KIRREL3: variants seen among roughly 807,000 people sequenced by gnomAD.
KIRREL3 encodes kin of IRRE-like protein 3.
Under a neutral mutation model 89.7 loss-of-function variants are expected in KIRREL3, and 36 were observed. That is an observed-to-expected ratio of 0.40 (90% CI 0.31 to 0.53). KIRREL3 has a LOEUF of 0.53. Ranked by LOEUF, KIRREL3 falls within the 20% of genes least tolerant of loss-of-function variation. KIRREL3 has a pLI of 0.49. For synonymous variants in KIRREL3, 445 were observed against 441.4 expected (o/e 1.01, Z -0.10); for missense variants, 864 against 1,056.6 (o/e 0.82, Z 2.53).
chr11:126,582,118 T>C (rs1941580598), intron 1 of KIRREL3, among the ~76,000 whole-genome samples: 1 of 152,206 alleles, frequency 6.6e-6, no homozygotes, highest in Admixed American at 6.5e-5. Flanking sequence ...TGGTTTTGCC[T>C]GTGTGATTCC....
rs1486849622 is a variant in KIRREL3 at position 126,904,083 on chromosome 11, G to C, written c.55+96372C>G. Reference sequence around the variant, plus strand: ...GGAGGCCAGATTACAAGACCCTGAAGGTCCTTTCCAACTCTAAATTGCTAT... The same window carrying C: ...GGAGGCCAGATTACAAGACCCTGAACGTCCTTTCCAACTCTAAATTGCTAT... On this transcript the variant is annotated intron_variant, in intron 1 of 16. Transcript: ENST00000525144. This position sits in a 1 kb window ranked among gnomAD's most constrained non-coding sequence, Gnocchi z 4.4. Among the ~76,000 whole-genome samples the C allele has an allele frequency of 6.6e-6, 1 of 152,136 alleles. No homozygotes were observed. Among genetic ancestry groups the C allele is most frequent in the Non-Finnish European group, 1.5e-5 (1 of 68,032 alleles).
At chr11:126,572,137 G>A (rs1940980227) in intron 1 of KIRREL3, among the ~76,000 whole-genome samples, 1 of 152,158 alleles carries the variant, frequency 6.6e-6, no homozygotes, top group Non-Finnish European at 1.5e-5. Context: ...GGCAGGAAAA[G>A]GCATTTCTGC....
At chr11:126,846,901 C>T (rs1470500830) in intron 1 of KIRREL3, among the ~76,000 whole-genome samples, 2 of 152,034 alleles carry the variant, frequency 1.3e-5, no homozygotes, top group Non-Finnish European at 2.9e-5. Flanking sequence ...GACATATTGG[C>T]TAAAGTTAAG....
rs1362828438 is a variant in KIRREL3 at position 126,489,977 on chromosome 11, C to T, written c.434-16511G>A. On this transcript the variant is annotated intron_variant, in intron 4 of 16. Transcript: ENST00000525144. The surrounding 1 kb of genome is among the most constrained non-coding windows in gnomAD (Gnocchi z 5.5). The stretch of plus-strand genomic sequence containing the variant: ...AATCTGGGCGTGTTAGTGCTGCATA[C>T]GTTGGGGAAAATGAGACGTGTTGCT... 3.9e-5 allele frequency among the ~76,000 whole-genome samples: 6 copies of T among 152,172 alleles called. No individual in the cohort carries two copies. Among genetic ancestry groups the T allele is most frequent in the African/African-American group, 7.2e-5 (3 of 41,530 alleles).
chr11:126,451,675 T>A (rs1956176420), intron 7 of KIRREL3, among the ~76,000 whole-genome samples: 1 of 151,402 alleles, frequency 6.6e-6, no homozygotes, highest in Non-Finnish European at 1.5e-5. Flanking sequence ...AGTGTGTGCA[T>A]ATGTGCGTGT....
chr11:126,650,220 G>A (rs540433058), intron 1 of KIRREL3, among the ~76,000 whole-genome samples: 3 of 152,336 alleles, frequency 2.0e-5, no homozygotes, highest in Admixed American at 1.3e-4. Flanking sequence ...GGGCTGCCAC[G>A]AAAACCTCTG....
chr11:126,559,054 G>A (rs545408235), intron 2 of KIRREL3, among the ~76,000 whole-genome samples: 70 of 152,178 alleles, frequency 4.6e-4, no homozygotes, highest in African/African-American at 1.5e-3. Flanking sequence ...AGGAGAGCTG[G>A]TACAGAAAGA....
chr11:126,789,269 A>C (rs1193281292), intron 1 of KIRREL3, among the ~76,000 whole-genome samples: 2 of 152,134 alleles, frequency 1.3e-5, no homozygotes, highest in African/African-American at 4.8e-5. Context: ...TGCCACGTGC[A>C]GTGCCCCATC....
rs1475301122 is a variant in KIRREL3 at position 126,978,052 on chromosome 11, C to A, written c.55+22403G>T. Among the ~76,000 whole-genome samples, 1 of 152,186 alleles carries A rather than the reference C, an allele frequency of 6.6e-6. No individual in the cohort carries two copies. Among genetic ancestry groups the A allele is most frequent in the African/African-American group, 2.4e-5 (1 of 41,444 alleles). On this transcript the variant is annotated intron_variant, in intron 1 of 16. Coordinates refer to ENST00000525144, the MANE Select transcript of KIRREL3 (RefSeq NM_032531.4). This position sits in a 1 kb window ranked among gnomAD's most constrained non-coding sequence, Gnocchi z 4.2. Reference sequence around the variant, plus strand: ...GTCTACTGACAGCCTCCTTCTCCAGCACGGCAGCCCACCAAAAGTGCCTCC... The same window carrying A: ...GTCTACTGACAGCCTCCTTCTCCAGAACGGCAGCCCACCAAAAGTGCCTCC...
At position 126,508,406 on chromosome 11, in the gene KIRREL3, G is replaced by T. The variant is rs550989909; in HGVS notation, c.433+12909C>A. On this transcript the variant is annotated intron_variant, in intron 4 of 16. Transcript: ENST00000525144. The surrounding 1 kb of genome is among the most constrained non-coding windows in gnomAD (Gnocchi z 4.9). ...CCGCCCAGAGGATGATACTGAATGG[G>T]ATGGCAAATGAATGCTGCGGGTCTC... Among the ~76,000 whole-genome samples, 2 of 152,264 alleles carry T rather than the reference G, an allele frequency of 1.3e-5. No individual in the cohort carries two copies. The highest frequency in any genetic ancestry group is 4.8e-5 in the African/African-American group (2 of 41,544).
Position 126,739,872 on chromosome 11 carries a change from A to G in KIRREL3, c.56-176960T>C, listed in dbSNP as rs1227521315. 6.6e-6 allele frequency among the ~76,000 whole-genome samples: 1 copy of G among 152,210 alleles called. No individual in the cohort carries two copies. The highest frequency in any genetic ancestry group is 1.9e-4 in the East Asian group (1 of 5,204). On this transcript the variant is annotated intron_variant, in intron 1 of 16. Transcript: ENST00000525144. The surrounding 1 kb of genome is among the most constrained non-coding windows in gnomAD (Gnocchi z 5.5). ...CTGAGGGGATTGGGCAAGAAGGAGC[A>G]CTTAGAATTTTGACACTGCACTTTG...
chr11:126,637,368 T>C (rs1022468462), intron 1 of KIRREL3, among the ~76,000 whole-genome samples: 2 of 152,138 alleles, frequency 1.3e-5, no homozygotes, highest in African/African-American at 4.8e-5. Flanking sequence ...TTACCGACAC[T>C]ATCTTTCCCT....
At position 126,531,915 on chromosome 11, in the gene KIRREL3, C is replaced by G. The variant is rs938824925; in HGVS notation, c.134-5228G>C. 3.9e-5 allele frequency among the ~76,000 whole-genome samples: 6 copies of G among 152,156 alleles called. No individual in the cohort carries two copies. Among genetic ancestry groups the G allele is most frequent in the Non-Finnish European group, 5.9e-5 (4 of 68,040 alleles). On this transcript the variant is annotated intron_variant, in intron 2 of 16. Coordinates refer to ENST00000525144, the MANE Select transcript of KIRREL3 (RefSeq NM_032531.4). This position sits in a 1 kb window ranked among gnomAD's most constrained non-coding sequence, Gnocchi z 4.7. Reference sequence around the variant, plus strand: ...CCTGCTCTGGTTGGTCTGCTGAGATCGGTGGTCACTACAGGAAAATTGCTT... The same window carrying G: ...CCTGCTCTGGTTGGTCTGCTGAGATGGGTGGTCACTACAGGAAAATTGCTT...
In KIRREL3 at chr11:126,656,044, A is replaced by T; in HGVS notation, c.56-93132T>A. 4.7e-6 allele frequency: 2 copies of T among 427,318 alleles called. No homozygotes were observed. The highest frequency in any genetic ancestry group is 9.5e-6 in the Non-Finnish European group (2 of 209,562). 26.5% of individuals were successfully genotyped at this position (427,318 alleles called of 1,614,324 possible). A position where few individuals can be genotyped will look rare whatever the true frequency, so the allele number is the denominator to read the frequency against. ...AGAAGTGTGTGGAAATGGGAACCTG[A>T]GCCAGGAGAGTCCTGTGGATTCACT... On this transcript the variant is annotated intron_variant, in intron 1 of 16. Coordinates refer to ENST00000525144, the MANE Select transcript of KIRREL3 (RefSeq NM_032531.4). This position sits in a 1 kb window ranked among gnomAD's most constrained non-coding sequence, Gnocchi z 4.0.
At chr11:126,602,268 C>T (rs1189632309) in intron 1 of KIRREL3, among the ~76,000 whole-genome samples, 2 of 152,074 alleles carry the variant, frequency 1.3e-5, no homozygotes, top group African/African-American at 2.4e-5. Context: ...GCCCTGGGGG[C>T]TTTTTGGGTC....
At chr11:126,533,886 G>A (rs1445202669) in intron 2 of KIRREL3, among the ~76,000 whole-genome samples, 3 of 152,164 alleles carry the variant, frequency 2.0e-5, no homozygotes, top group Non-Finnish European at 4.4e-5. Context: ...AGGGGAAACC[G>A]ACCTTCTTCT....
intron 1 of KIRREL3, among the ~76,000 whole-genome samples, chr11:126,840,446 G>A (rs1943926084): frequency 6.6e-6 from 1 of 152,076 alleles, no homozygotes; most frequent in African/African-American, 2.4e-5. Context: ...AGGGCAGTTG[G>A]GGATGGAGTT....
intron 1 of KIRREL3, among the ~76,000 whole-genome samples, chr11:126,938,167 C>G (rs543476104): frequency 2.0e-3 from 299 of 152,356 alleles, no homozygotes; most frequent in African/African-American, 7.0e-3. Context: ...TTATTAGTCA[C>G]ACTTCACAGA....
chr11:126,430,931 A>G lies in KIRREL3; in HGVS notation c.1696+488T>C. On this transcript the variant is annotated intron_variant, in intron 14 of 16. Transcript: ENST00000525144. This position sits in a 1 kb window ranked among gnomAD's most constrained non-coding sequence, Gnocchi z 6.6. ...ACTAGAATTTTATTGGTAATCACTG[A>G]AGACCTTTAAAAGTTTTCTCAAAGC... The G allele has an allele frequency of 9.9e-7, 1 of 1,007,166 alleles. No homozygotes were observed. Among genetic ancestry groups the G allele is most frequent in the African/African-American group, 1.7e-5 (1 of 58,292 alleles). 62.4% of individuals were successfully genotyped at this position (1,007,166 alleles called of 1,614,324 possible). A position where few individuals can be genotyped will look rare whatever the true frequency, so the allele number is the denominator to read the frequency against.
Sources: gnomAD v4.1 joint callset for allele counts (sites outside exome capture counted in the v4.1 genomes callset) on GRCh38, gnomAD v4.1.1 for gene constraint, Gnocchi (gnomAD v3.1) non-coding constraint, MANE v1.5 for transcripts, NCBI Gene and HGNC (gene_info 2026-07-23, HGNC 2026-07-21) for gene names.